The following ELOF1 variants were observed in gnomAD, a reference collection of about 807,000 sequenced individuals.
The protein encoded by ELOF1 is elongation factor 1, also known as transcription elongation factor 1 homolog.
In ELOF1, 4 loss-of-function variants were observed where a neutral mutation model predicts 7.1. The observed-to-expected ratio is 0.56, with a 90% CI of 0.28 to 1.29. The LOEUF (loss-of-function observed/expected upper bound fraction) is 1.29, where lower values mean the gene tolerates loss of function less well. Among genes scored for constraint, ELOF1 ranks in the 50% most tolerant of loss-of-function variants. ELOF1 has a pLI of 0.10. For missense variants in ELOF1, 59 were observed against 86.3 expected (o/e 0.68, Z 1.25); for synonymous variants, 31 against 31.9 (o/e 0.97, Z 0.09).
intron 3 of ELOF1, chr19:11,553,642 A>C (rs1972773601): frequency 2.4e-6 from 3 of 1,235,924 alleles, no homozygotes; most frequent in Admixed American, 3.9e-5. Context: ...CGGCTGTGAC[A>C]GCCCAGGACC....
At chr19:11,558,726 C>CAAAA (rs60765656) in intron 1 of ELOF1, among the ~76,000 whole-genome samples, 1 of 110,344 alleles carries the variant, frequency 9.1e-6, no homozygotes, top group Non-Finnish European at 1.9e-5. Flanking sequence ...GACTCACTCT[C>CAAAA]AAAAAAAAAA....
Position 11,553,589 on chromosome 19 carries a change from A to C in ELOF1, c.187+422T>G, listed in dbSNP as rs1972769586. On this transcript the variant is annotated intron_variant, in intron 3 of 3. Coordinates refer to ENST00000586683, the Ensembl canonical transcript of ELOF1. Reference sequence around the variant, plus strand: ...ACCCACACGCACACCCACTACACACACACACACACACACACACACACACAC... The same window carrying C: ...ACCCACACGCACACCCACTACACACCCACACACACACACACACACACACAC... 5.2e-5 allele frequency: 4 copies of C among 77,164 alleles called. No homozygotes were observed. In the Admixed American group the frequency reaches 9.3e-4, roughly 18 times the overall value. 4.8% of individuals were successfully genotyped at this position (77,164 alleles called of 1,614,324 possible).
chr19:11,559,073 T>A (rs1300339931), intron 1 of ELOF1, 118 bp downstream of exon 1: 1 of 151,690 alleles, frequency 6.6e-6, no homozygotes, highest in Non-Finnish European at 1.5e-5. Context: ...CGACCGGCTT[T>A]CCCCCAAGCT....
At chr19:11,556,876 T>G (rs1467715964) in intron 1 of ELOF1, among the ~76,000 whole-genome samples, 1 of 152,188 alleles carries the variant, frequency 6.6e-6, no homozygotes, top group East Asian at 1.9e-4. Context: ...GGAAGTAAGT[T>G]CCTGCAAAAA....
chr19:11,554,393 T>G, intron 1 of ELOF1, 28 bp from the exon 2 acceptor site: 1 of 1,604,362 alleles, frequency 6.2e-7, no homozygotes, highest in South Asian at 1.1e-5. Context: ...TGTCAGTGGT[T>G]TGAGGAAACC....
chr19:11,553,702 T>C (rs375454207), intron 3 of ELOF1: 76 of 1,613,126 alleles, frequency 4.7e-5, no homozygotes, highest in Non-Finnish European at 4.8e-5. Context: ...AACAGCTGGA[T>C]CCACAGTACG....
intron 1 of ELOF1, 108 bp from the exon 2 acceptor site, chr19:11,554,473 CG>C: frequency 6.8e-7 from 1 of 1,464,622 alleles, no homozygotes; most frequent in Non-Finnish European, 9.1e-7. Context: ...ACCGTGGTCC[CG>C]GGGCCTCTGC....
chr19:11,554,158 G>A (rs1452698371), intron 2 of ELOF1, 74 bp downstream of exon 2: 4 of 1,614,094 alleles, frequency 2.5e-6, no homozygotes, highest in Middle Eastern at 1.6e-4. Context: ...ACCAAGGGAG[G>A]CAAGGGGCAG....
exon 3 of ELOF1, chr19:11,554,075 A>G: frequency 6.2e-7 from 1 of 1,614,208 alleles, no homozygotes; most frequent in Non-Finnish European, 8.5e-7. Context: ...TGTTGCGGGC[A>G]CGGTCCCTGA....
intron 1 of ELOF1, among the ~76,000 whole-genome samples, chr19:11,556,369 G>C: frequency 7.1e-6 from 1 of 140,752 alleles, no homozygotes; most frequent in East Asian, 2.2e-4. Flanking sequence ...GCATGATCTC[G>C]ACCCACTGCA....
intron 1 of ELOF1, chr19:11,555,119 T>C: frequency 4.1e-6 from 1 of 244,022 alleles, no homozygotes; most frequent in South Asian, 3.4e-5. Context: ...TAGCTGGCCA[T>C]AGTGGCAGGC....
intron 1 of ELOF1, among the ~76,000 whole-genome samples, chr19:11,558,801 TC>T (rs1972871652): frequency 6.6e-6 from 1 of 151,056 alleles, no homozygotes; most frequent in Non-Finnish European, 1.5e-5. Context: ...GACTACAGTC[TC>T]CCCATCCCAT....
chr19:11,554,577 T>A, intron 1 of ELOF1: 1 of 634,152 alleles, frequency 1.6e-6, no homozygotes, highest in Non-Finnish European at 2.6e-6. Flanking sequence ...TAACCCCATC[T>A]CTCTCACTTA....
chr19:11,556,339 G>A (rs961979781), intron 1 of ELOF1, among the ~76,000 whole-genome samples: 5 of 150,980 alleles, frequency 3.3e-5, no homozygotes, highest in Admixed American at 6.6e-5. Flanking sequence ...TTGCTCTGCC[G>A]CCCAGGCTGG....
chr19:11,553,582 T>TACTC lies in ELOF1; in HGVS notation c.187+428_187+429insGAGT, dbSNP rs1972768533. On this transcript the variant is annotated intron_variant, in intron 3 of 3. Coordinates refer to ENST00000586683, the Ensembl canonical transcript of ELOF1. ...CACCCACACCCACACGCACACCCACTACACACACACACACACACACACACA... is the reference window on the plus strand; with the variant it reads ...CACCCACACCCACACGCACACCCACTACTCACACACACACACACACACACACACA... 5.0e-6 allele frequency: 3 copies of TACTC among 606,044 alleles called. No individual in the cohort carries two copies. The South Asian group carries it at 6.0e-5, about 12-fold the overall frequency. 37.5% of individuals were successfully genotyped at this position (606,044 alleles called of 1,614,324 possible).
chr19:11,556,307 C>CT lies in ELOF1; in HGVS notation c.-18-1943dup, dbSNP rs954637659. ...TCCTATGTAATACCCCCAACTCTTT[C>CT]TTTTTTTTTTGAGATGGAGTCTTGC... On this transcript the variant is annotated intron_variant, in intron 1 of 3. Coordinates refer to ENST00000586683, the Ensembl canonical transcript of ELOF1. 4.2e-4 allele frequency among the ~76,000 whole-genome samples: 63 copies of CT among 148,742 alleles called. No homozygotes were observed. The Middle Eastern group carries it at 0.01, about 24-fold the overall frequency.
At chr19:11,555,215 C>T in intron 1 of ELOF1, 1 of 196,982 alleles carries the variant, frequency 5.1e-6, no homozygotes, top group South Asian at 5.4e-5. Context: ...CGAGATCGCA[C>T]CATTGCACTC....
exon 3 of ELOF1, chr19:11,554,021 C>T (rs755330142): frequency 7.4e-6 from 12 of 1,614,060 alleles, no homozygotes; most frequent in Admixed American, 5.0e-5. Flanking sequence ...ACGTTATGGG[C>T]GTCTGGAATT....
intron 1 of ELOF1, 23 bp downstream of exon 1, chr19:11,559,168 G>C (rs1371795063): frequency 6.6e-6 from 1 of 152,498 alleles, no homozygotes; most frequent in African/African-American, 2.4e-5. Flanking sequence ...ACGCCCACTC[G>C]CACGAGCCGC....
Sources: gnomAD v4.1 joint callset for allele counts (sites outside exome capture counted in the v4.1 genomes callset) on GRCh38, gnomAD v4.1.1 for gene constraint, MANE v1.5 for transcripts, NCBI Gene and HGNC (gene_info 2026-07-23, HGNC 2026-07-21) for gene names.